Variants in CNTNAP2 observed in about 807,000 individuals in gnomAD.
CNTNAP2 encodes the protein contactin associated protein 2.
Under a neutral mutation model 155.2 loss-of-function variants are expected in CNTNAP2, and 98 were observed. The observed-to-expected ratio is 0.63, with a 90% confidence interval of 0.54 to 0.75. The LOEUF is 0.75. Ranked by LOEUF, CNTNAP2 falls within the 30% of genes least tolerant of loss-of-function variation. CNTNAP2 has a pLI of 0.00. For missense variants in CNTNAP2, 1,727 were observed against 1,688.1 expected (o/e 1.02, Z -0.40); for synonymous variants, 651 against 631.2 (o/e 1.03, Z -0.47).
At chr7:148,369,667 T>TATTATTATG (rs1798852394) in intron 21 of CNTNAP2, among the ~76,000 whole-genome samples, 1 of 148,458 alleles carries the variant, frequency 6.7e-6, no homozygotes, top group African/African-American at 2.5e-5. Context: ...TTATTATTAT[T>TATTATTATG]ATTATTATTA....
At chr7:147,709,211 C>A (rs1796365865) in intron 13 of CNTNAP2, among the ~76,000 whole-genome samples, 1 of 152,124 alleles carries the variant, frequency 6.6e-6, no homozygotes, top group Non-Finnish European at 1.5e-5. Flanking sequence ...CATCAACATC[C>A]CCTACAGGAC....
chr7:148,262,639 A>G (rs1470700826), intron 20 of CNTNAP2, among the ~76,000 whole-genome samples: 1 of 151,964 alleles, frequency 6.6e-6, no homozygotes, highest in Non-Finnish European at 1.5e-5. Flanking sequence ...TCCCTCCTAT[A>G]AAGACCCTGG....
intron 8 of CNTNAP2, among the ~76,000 whole-genome samples, chr7:147,257,416 T>C (rs1352692424): frequency 5.3e-5 from 8 of 152,202 alleles, no homozygotes; most frequent in Admixed American, 5.2e-4. Context: ...GGAGCACTCC[T>C]TTGGGGCTCC....
intron 1 of CNTNAP2, among the ~76,000 whole-genome samples, chr7:146,694,970 G>T (rs1800757718): frequency 6.6e-6 from 1 of 152,078 alleles, no homozygotes; most frequent in Non-Finnish European, 1.5e-5. Context: ...TTAGTTAATT[G>T]TTCCTGGAAC....
At chr7:148,142,711 T>C (rs1805100169) in intron 16 of CNTNAP2, among the ~76,000 whole-genome samples, 1 of 152,238 alleles carries the variant, frequency 6.6e-6, no homozygotes, top group African/African-American at 2.4e-5. Context: ...TGGTCTAATA[T>C]CTAAATGCTC....
chr7:146,554,492 T>C (rs1277134632), intron 1 of CNTNAP2, among the ~76,000 whole-genome samples: 2 of 152,246 alleles, frequency 1.3e-5, no homozygotes, highest in Non-Finnish European at 2.9e-5. Context: ...TAGCCATTTG[T>C]ATGTCTTTCC....
intron 1 of CNTNAP2, among the ~76,000 whole-genome samples, chr7:146,732,780 C>T (rs1352821829): frequency 6.6e-6 from 1 of 152,112 alleles, no homozygotes; most frequent in East Asian, 1.9e-4. Context: ...ATAACCTGCA[C>T]ACATCTTCCT....
At chr7:146,397,131 T>A (rs966987366) in intron 1 of CNTNAP2, among the ~76,000 whole-genome samples, 1 of 152,222 alleles carries the variant, frequency 6.6e-6, no homozygotes, top group Non-Finnish European at 1.5e-5. Context: ...AGAGGCTTTA[T>A]GCTATCTGAA....
intron 1 of CNTNAP2, among the ~76,000 whole-genome samples, chr7:146,550,409 T>TTG (rs1281463462): frequency 2.7e-5 from 3 of 109,958 alleles, no homozygotes; most frequent in South Asian, 3.7e-4. Context: ...CTGTTTTTTT[T>TTG]TTTTTTTTTT....
chr7:146,367,230 G>A (rs901095607), intron 1 of CNTNAP2, among the ~76,000 whole-genome samples: 5 of 151,952 alleles, frequency 3.3e-5, no homozygotes, highest in Non-Finnish European at 4.4e-5. Context: ...TATACACATC[G>A]CCTAATTTAA....
chr7:147,511,843 A>G (rs1799028664), intron 11 of CNTNAP2, among the ~76,000 whole-genome samples: 1 of 152,022 alleles, frequency 6.6e-6, no homozygotes, highest in Non-Finnish European at 1.5e-5. Context: ...GAGCTAACCT[A>G]TTTTCTCTGA....
chr7:147,276,178 G>A (rs2116715531), intron 8 of CNTNAP2, among the ~76,000 whole-genome samples: 1 of 151,430 alleles, frequency 6.6e-6, no homozygotes, highest in Admixed American at 6.6e-5. Context: ...GTATCAGAGT[G>A]ATACTAGTTT....
intron 1 of CNTNAP2, among the ~76,000 whole-genome samples, chr7:146,319,483 GACAA>G (rs1468746689): frequency 6.6e-6 from 1 of 151,994 alleles, no homozygotes. Flanking sequence ...GTACAAATTG[GACAA>G]ACAAATGTTA....
intron 1 of CNTNAP2, among the ~76,000 whole-genome samples, chr7:146,387,875 TA>T (rs1335006189): frequency 2.6e-5 from 4 of 152,110 alleles, no homozygotes; most frequent in Non-Finnish European, 5.9e-5. Context: ...TTCCTCTCGA[TA>T]AATCTAGACA....
chr7:146,483,958 C>T (rs6967506), intron 1 of CNTNAP2, among the ~76,000 whole-genome samples: 32,815 of 151,962 alleles, frequency 0.22, 5,019 homozygotes, highest in African/African-American at 0.44. Flanking sequence ...TCACATTCAC[C>T]CACCACCCAC....
At position 148,025,233 on chromosome 7, in the gene CNTNAP2, G is replaced by T. The variant is rs529684515; in HGVS notation, c.2383+47244G>T. On this transcript the variant is annotated intron_variant, in intron 15 of 23. Transcript: ENST00000361727. ...CCATATGGTCAAAACCTAAGATTGG[G>T]CTTTGAGGTATTTTCCAGACTTTTG... is the stretch of plus-strand genomic sequence containing the variant. Among the ~76,000 whole-genome samples, 11 of 152,262 alleles carry T rather than the reference G, an allele frequency of 7.2e-5. No individual in the cohort carries two copies. The South Asian group carries it at 2.3e-3, about 32-fold the overall frequency.
chr7:147,680,069 C>G (rs1795924903), intron 13 of CNTNAP2, among the ~76,000 whole-genome samples: 1 of 151,694 alleles, frequency 6.6e-6, no homozygotes, highest in African/African-American at 2.4e-5. Flanking sequence ...CTCAAATTAC[C>G]ATTTCAGCTC....
intron 21 of CNTNAP2, among the ~76,000 whole-genome samples, chr7:148,287,377 A>C (rs1459629254): frequency 6.6e-6 from 1 of 152,194 alleles, no homozygotes; most frequent in African/African-American, 2.4e-5. Context: ...AACAAAAACA[A>C]TTGTTCAGCT....
intron 15 of CNTNAP2, among the ~76,000 whole-genome samples, chr7:148,044,424 A>C (rs1802736659): frequency 6.6e-6 from 1 of 152,170 alleles, no homozygotes; most frequent in Non-Finnish European, 1.5e-5. Flanking sequence ...GGCGTGCTAT[A>C]GTCTGAATGT....
Sources: allele counts gnomAD v4.1 joint callset (sites outside exome capture counted in the v4.1 genomes callset), GRCh38; gene constraint gnomAD v4.1.1; transcripts MANE v1.5; gene names NCBI Gene and HGNC (gene_info 2026-07-23, HGNC 2026-07-21).